SLC29A3: variants seen among roughly 807,000 people sequenced by gnomAD.
SLC29A3 encodes the protein solute carrier family 29 member 3, also known as equilibrative nucleoside transporter 3.
Under a neutral mutation model 25.4 loss-of-function variants are expected in SLC29A3, and 18 were observed. The observed-to-expected ratio is 0.71, with a 90% confidence interval of 0.49 to 1.05. SLC29A3 has a LOEUF of 1.05. Among genes scored for constraint, SLC29A3 ranks in the 50% least tolerant of loss-of-function variants. The pLI, the probability that SLC29A3 is intolerant of heterozygous loss-of-function variation, is 0.00. For missense variants in SLC29A3, 586 were observed against 609.0 expected (o/e 0.96, Z 0.40); for synonymous variants, 258 against 267.1 (o/e 0.97, Z 0.33).
chr10:71,347,201 T>C (rs1401485524), intron 3 of SLC29A3, among the ~76,000 whole-genome samples: 13 of 152,212 alleles, frequency 8.5e-5, no homozygotes, highest in Admixed American at 8.5e-4. Context: ...GGCTTATCCA[T>C]AATCGCCAAG....
chr10:71,348,115 C>G (rs1846643364), intron 3 of SLC29A3, among the ~76,000 whole-genome samples: 1 of 152,208 alleles, frequency 6.6e-6, no homozygotes, highest in Admixed American at 6.5e-5. Flanking sequence ...ACCTCCCCAC[C>G]CCCGGGTGCT....
intron 1 of SLC29A3, among the ~76,000 whole-genome samples, chr10:71,321,055 T>C (rs562638352): frequency 5.9e-5 from 9 of 152,218 alleles, no homozygotes; most frequent in Non-Finnish European, 1.3e-4. Context: ...CTTAGAGTAG[T>C]ACCTAATATA....
In SLC29A3 at chr10:71,363,025, A is replaced by C; in HGVS notation, c.*417A>C. On this transcript the variant is annotated 3_prime_UTR_variant, in exon 6 of 6. Transcript: ENST00000373189. ...CCAGCTGACAGCGAGATGCAAGCAA[A>C]TGCTCAGCTCTCCTTACCCTGAAGG... 2.2e-6 allele frequency: 1 copy of C among 459,412 alleles called. No individual in the cohort carries two copies. The highest frequency in any genetic ancestry group is 4.3e-6 in the Non-Finnish European group (1 of 230,592). The allele number at this position is 459,412 out of a possible 1,614,324, so 28.5% of individuals were successfully genotyped here.
intron 2 of SLC29A3, 60 bp downstream of exon 2, chr10:71,323,114 T>C: frequency 6.3e-7 from 1 of 1,593,124 alleles, no homozygotes; most frequent in Non-Finnish European, 8.6e-7. Flanking sequence ...ATGCCTCACA[T>C]GCAGGGGAAG....
At chr10:71,342,863 G>A (rs1237062152) in intron 2 of SLC29A3, among the ~76,000 whole-genome samples, 23 of 152,242 alleles carry the variant, frequency 1.5e-4, no homozygotes, top group Non-Finnish European at 3.1e-4. Context: ...TTAATTGCAA[G>A]GCCACCACAG....
At chr10:71,349,541 T>C (rs1846692150) in intron 3 of SLC29A3, among the ~76,000 whole-genome samples, 1 of 152,134 alleles carries the variant, frequency 6.6e-6, no homozygotes, top group Admixed American at 6.5e-5. Flanking sequence ...TGCCCCAGGC[T>C]GCGTCACATG....
Position 71,351,784 on chromosome 10 carries a change from A to G in SLC29A3, c.606A>G (p.Ile202Met), listed in dbSNP as rs1323136358. 1 of 1,610,648 alleles carries G rather than the reference A, an allele frequency of 6.2e-7. No individual in the cohort carries two copies. The highest frequency in any genetic ancestry group is 1.3e-5 in the African/African-American group (1 of 74,878). ...SFPMRNSQAL[I>M]SGGAMGGTVS... Reference sequence around the variant, plus strand: ...CTATGAGGAACTCCCAGGCACTGATATCAGGTGAGAGCCAGGGTCCGGGCA... The same window carrying G: ...CTATGAGGAACTCCCAGGCACTGATGTCAGGTGAGAGCCAGGGTCCGGGCA... Residue 202 changes from isoleucine to methionine, a missense_variant, in exon 4 of 6, where the codon ATA becomes ATG. By Grantham distance (10) the Ile-to-Met change is conservative (BLOSUM62 1). Transcript: ENST00000373189.
intron 2 of SLC29A3, among the ~76,000 whole-genome samples, chr10:71,334,703 C>T (rs1157045030): frequency 6.6e-6 from 1 of 152,110 alleles, no homozygotes; most frequent in Admixed American, 6.5e-5. Context: ...CACCGTGATC[C>T]CGCAGTGCAC....
intron 3 of SLC29A3, among the ~76,000 whole-genome samples, chr10:71,372,465 A>G (rs1349801553): frequency 1.3e-5 from 2 of 152,200 alleles, no homozygotes; most frequent in African/African-American, 2.4e-5. Flanking sequence ...AGATTGCTGT[A>G]TCCACTCCCA....
chr10:71,337,614 C>T (rs755032635), intron 2 of SLC29A3, among the ~76,000 whole-genome samples: 1 of 152,156 alleles, frequency 6.6e-6, no homozygotes, highest in Non-Finnish European at 1.5e-5. Context: ...CTCAGCAGCA[C>T]GGACACTGAG....
At chr10:71,326,323 C>T (rs1277754817) in intron 2 of SLC29A3, among the ~76,000 whole-genome samples, 1 of 152,220 alleles carries the variant, frequency 6.6e-6, no homozygotes, top group Non-Finnish European at 1.5e-5. Flanking sequence ...GCACTTAGGA[C>T]AGGGCCTGGC....
chr10:71,358,012 G>A lies in SLC29A3; in HGVS notation c.773+1769G>A, dbSNP rs139999736. On this transcript the variant is annotated intron_variant, in intron 5 of 5. Coordinates refer to ENST00000373189, the MANE Select transcript of SLC29A3 (RefSeq NM_018344.6). ...TGGCACAAAGCTAAGCAGTTTATGT[G>A]TATATTTTTGTTTATGATTTATGAC... Among the ~76,000 whole-genome samples, 1,124 of 152,312 alleles carry A rather than the reference G, an allele frequency of 7.4e-3. 17 individuals carry two copies. The highest frequency in any genetic ancestry group is 0.025 in the African/African-American group (1,050 of 41,564).
chr10:71,330,254 G>A (rs1008602719), intron 2 of SLC29A3, among the ~76,000 whole-genome samples: 4 of 152,236 alleles, frequency 2.6e-5, no homozygotes, highest in Admixed American at 6.5e-5. Context: ...TGGAAAAGGA[G>A]TGATAGGGCC....
intron 4 of SLC29A3, among the ~76,000 whole-genome samples, chr10:71,378,749 T>A (rs909636206): frequency 1.6e-4 from 24 of 152,228 alleles, no homozygotes; most frequent in African/African-American, 5.8e-4. Flanking sequence ...GCTAGGCTGT[T>A]CCCCAGAGCT....
intron 4 of SLC29A3, among the ~76,000 whole-genome samples, chr10:71,376,458 C>T (rs1251447877): frequency 2.6e-5 from 4 of 152,180 alleles, no homozygotes; most frequent in South Asian, 2.1e-4. Context: ...ACCCATTCTA[C>T]TAAATGCATG....
intron 3 of SLC29A3, among the ~76,000 whole-genome samples, chr10:71,368,993 A>T (rs1473086470): frequency 6.6e-6 from 1 of 152,174 alleles, no homozygotes; most frequent in East Asian, 1.9e-4. Context: ...CTAACCCCCA[A>T]CTTGATGGTA....
intron 4 of SLC29A3, among the ~76,000 whole-genome samples, chr10:71,355,180 G>A (rs759065645): frequency 1.3e-5 from 2 of 152,176 alleles, no homozygotes; most frequent in African/African-American, 2.4e-5. Context: ...TTCTATAAGC[G>A]AGCAAACTGT....
chr10:71,367,436 G>A (rs1847179226), downstream of SLC29A3, among the ~76,000 whole-genome samples: 1 of 152,162 alleles, frequency 6.6e-6, no homozygotes. Context: ...AGGGATAATA[G>A]TAAGTCCCAG....
chr10:71,378,691 A>G (rs1847279352), intron 4 of SLC29A3, among the ~76,000 whole-genome samples: 1 of 152,238 alleles, frequency 6.6e-6, no homozygotes. Flanking sequence ...TGGTGTTTTA[A>G]CAAGCCCTCC....
Sources: gnomAD v4.1 joint callset for allele counts (sites outside exome capture counted in the v4.1 genomes callset) on GRCh38, gnomAD v4.1.1 for gene constraint, MANE v1.5 for transcripts, NCBI Gene and HGNC (gene_info 2026-07-23, HGNC 2026-07-21) for gene names.